Variants in FSTL5 observed in about 807,000 individuals in gnomAD.
FSTL5 encodes follistatin-related protein 5.
In FSTL5, 62 loss-of-function variants were observed where a neutral mutation model predicts 89.1. The observed-to-expected ratio is 0.70, with a 90% confidence interval of 0.57 to 0.86. The LOEUF is 0.86. Ranked by LOEUF, FSTL5 falls within the 40% of genes least tolerant of loss-of-function variation. The pLI, the probability that FSTL5 is intolerant of heterozygous loss-of-function variation, is 0.00. For missense variants in FSTL5, 1,057 were observed against 1,001.6 expected (o/e 1.06, Z -0.75); for synonymous variants, 383 against 346.2 (o/e 1.11, Z -1.18).
intron 1 of FSTL5, among the ~76,000 whole-genome samples, chr4:162,136,672 A>G (rs1008332314): frequency 3.3e-5 from 5 of 152,084 alleles, no homozygotes; most frequent in African/African-American, 1.2e-4. Flanking sequence ...TTAAAGTATT[A>G]TTGCAAAATT....
At chr4:162,023,183 G>A (rs1905363) in intron 3 of FSTL5, among the ~76,000 whole-genome samples, 11 of 151,890 alleles carry the variant, frequency 7.2e-5, no homozygotes, top group Admixed American at 6.6e-5. Context: ...AGGGACTATC[G>A]TGTGGTATGG....
At position 161,688,655 on chromosome 4, in the gene FSTL5, C is replaced by T. The variant is rs539980769; in HGVS notation, c.728-32161G>A. ...TCATTTATAGAAATATTACTATATG[C>T]TTACAATTCCACAGAATTTTACATT... On this transcript the variant is annotated intron_variant, in intron 6 of 15. Coordinates refer to ENST00000306100, the MANE Select transcript of FSTL5 (RefSeq NM_020116.5). Among the ~76,000 whole-genome samples, 67 of 152,154 alleles carry T rather than the reference C, an allele frequency of 4.4e-4. 2 individuals carry two copies. In the South Asian group the frequency reaches 0.013, roughly 31 times the overall value.
At chr4:161,629,888 C>T (rs1240760852) in intron 7 of FSTL5, among the ~76,000 whole-genome samples, 1 of 152,166 alleles carries the variant, frequency 6.6e-6, no homozygotes. Context: ...ACAGAGTTGG[C>T]GCACAGCCAG....
At chr4:162,112,471 C>A (rs1731482406) in intron 1 of FSTL5, among the ~76,000 whole-genome samples, 1 of 152,108 alleles carries the variant, frequency 6.6e-6, no homozygotes, top group Non-Finnish European at 1.5e-5. Context: ...GTCTTGAACT[C>A]CTGGTGTCAA....
At chr4:161,990,091 A>C (rs1393237759) in intron 3 of FSTL5, among the ~76,000 whole-genome samples, 1 of 152,194 alleles carries the variant, frequency 6.6e-6, no homozygotes, top group Admixed American at 6.5e-5. Flanking sequence ...AATTAAATGT[A>C]AATTTAAACA....
intron 5 of FSTL5, among the ~76,000 whole-genome samples, chr4:161,762,426 A>G (rs905972161): frequency 2.2e-4 from 34 of 152,190 alleles, no homozygotes; most frequent in South Asian, 4.1e-4. Flanking sequence ...TTAGTGTTTG[A>G]CACTGGTTCC....
chr4:161,689,237 G>C (rs1045966635), intron 6 of FSTL5, among the ~76,000 whole-genome samples: 1 of 152,028 alleles, frequency 6.6e-6, no homozygotes, highest in Non-Finnish European at 1.5e-5. Context: ...ACTCTATATA[G>C]AACAAACTCT....
intron 15 of FSTL5, among the ~76,000 whole-genome samples, chr4:161,397,339 G>T (rs1156799964): frequency 1.3e-5 from 2 of 151,884 alleles, no homozygotes; most frequent in East Asian, 3.9e-4. Flanking sequence ...TAACAAGACA[G>T]AAAATATTGG....
intron 12 of FSTL5, among the ~76,000 whole-genome samples, chr4:161,490,741 A>G (rs1164438421): frequency 6.6e-6 from 1 of 152,172 alleles, no homozygotes; most frequent in Admixed American, 6.6e-5. Context: ...AGATAATTAT[A>G]TGTGTTTAAT....
chr4:161,394,478 T>C (rs1161494956), intron 15 of FSTL5, among the ~76,000 whole-genome samples: 2 of 152,152 alleles, frequency 1.3e-5, no homozygotes, highest in African/African-American at 4.8e-5. Context: ...GGTTTCACCA[T>C]GTTAGCCAGG....
chr4:161,509,501 A>AG (rs1482810367), intron 11 of FSTL5, among the ~76,000 whole-genome samples: 1 of 151,412 alleles, frequency 6.6e-6, no homozygotes, highest in Non-Finnish European at 1.5e-5. Flanking sequence ...GATCTAAGAG[A>AG]GAAAAAAAAA....
At chr4:161,835,393 G>A (rs1177202612) in intron 4 of FSTL5, among the ~76,000 whole-genome samples, 1 of 152,046 alleles carries the variant, frequency 6.6e-6, no homozygotes, top group Non-Finnish European at 1.5e-5. Context: ...ATAGGCATAG[G>A]CAAGGACTTC....
At chr4:161,950,984 C>G (rs10022372) in intron 3 of FSTL5, among the ~76,000 whole-genome samples, 50,487 of 151,796 alleles carry the variant, frequency 0.33, 9,904 homozygotes, top group Non-Finnish European at 0.43. Context: ...TTGTAGCTCC[C>G]GTAATTCCCA....
intron 6 of FSTL5, among the ~76,000 whole-genome samples, chr4:161,694,799 T>C (rs987234354): frequency 1.3e-5 from 2 of 149,956 alleles, no homozygotes; most frequent in South Asian, 2.1e-4. Context: ...TTATTGTTAA[T>C]GGGTGCAGTT....
chr4:161,994,214 G>T (rs2111086742), intron 3 of FSTL5, among the ~76,000 whole-genome samples: 1 of 152,238 alleles, frequency 6.6e-6, no homozygotes, highest in South Asian at 2.1e-4. Context: ...TCCTGCAAAA[G>T]ACATGGTCTC....
At chr4:162,067,855 A>G (rs972537352) in intron 2 of FSTL5, among the ~76,000 whole-genome samples, 2 of 152,074 alleles carry the variant, frequency 1.3e-5, no homozygotes, top group South Asian at 2.1e-4. Flanking sequence ...GCAAAGTCTC[A>G]GGATAAAAAA....
intron 4 of FSTL5, among the ~76,000 whole-genome samples, chr4:161,779,341 T>A (rs6840579): frequency 0.73 from 111,559 of 152,050 alleles, 40,981 homozygotes; most frequent in Non-Finnish European, 0.76. Flanking sequence ...AATTATATAA[T>A]TTTTTGTGAA....
rs548599027 is a variant in FSTL5, at chr4:161,393,254, A to G, written c.1842-6805T>C. On this transcript the variant is annotated intron_variant, in intron 15 of 15. Transcript: ENST00000306100. ...CATTTTATACATGCAAGAGAGAGAT[A>G]GTAACTGAAAAAAAAATTTATGAAG... Among the ~76,000 whole-genome samples the G allele has an allele frequency of 2.6e-5, 4 of 152,132 alleles. No homozygotes were observed. The East Asian group carries it at 7.7e-4, about 29-fold the overall frequency.
intron 15 of FSTL5, among the ~76,000 whole-genome samples, chr4:161,392,334 T>C (rs1462567017): frequency 6.6e-6 from 1 of 151,906 alleles, no homozygotes; most frequent in Admixed American, 6.6e-5. Context: ...CTCAAGGGAA[T>C]CCCTGCCTCA....
Sources: allele counts gnomAD v4.1 joint callset (sites outside exome capture counted in the v4.1 genomes callset), GRCh38; gene constraint gnomAD v4.1.1; transcripts MANE v1.5; gene names NCBI Gene and HGNC (gene_info 2026-07-23, HGNC 2026-07-21).